PKNOX2: variants seen among roughly 807,000 people sequenced by gnomAD.
The protein encoded by PKNOX2 is PBX/knotted 1 homeobox 2.
In PKNOX2, 14 loss-of-function variants were observed where a neutral mutation model predicts 53.1. The ratio of observed to expected loss-of-function variants is 0.26; its 90% CI spans 0.17 to 0.41. The LOEUF (loss-of-function observed/expected upper bound fraction) is 0.41. Ranked by LOEUF, PKNOX2 falls within the 10% of genes least tolerant of loss-of-function variation. PKNOX2 has a pLI of 1.00. For synonymous variants in PKNOX2, 257 were observed against 242.8 expected, an observed-to-expected ratio of 1.06 and a Z score of -0.54; for missense variants, 496 against 602.8, an observed-to-expected ratio of 0.82 and a Z score of 1.85.
At chr11:125,337,064 G>C (rs1244083556) in intron 3 of PKNOX2, among the ~76,000 whole-genome samples, 1 of 151,678 alleles carries the variant, frequency 6.6e-6, no homozygotes, top group East Asian at 1.9e-4. Context: ...TTTTTACATT[G>C]TTAAGATTTA....
At chr11:125,349,507 A>G (rs1305751368) in intron 3 of PKNOX2, among the ~76,000 whole-genome samples, 1 of 152,198 alleles carries the variant, frequency 6.6e-6, no homozygotes, top group African/African-American at 2.4e-5. Flanking sequence ...GGCGAGTGAC[A>G]GGCGGTGAGG....
rs58082411 is a variant in PKNOX2 at position 125,331,008 on chromosome 11, C to T, written c.-129-811C>T. ...AGTGCCGCCCAGGCCTCAGAGCAGCCCCCTCCCCCGACCCTGCCATCCTGG... is the reference window on the plus strand; with the variant it reads ...AGTGCCGCCCAGGCCTCAGAGCAGCTCCCTCCCCCGACCCTGCCATCCTGG... On this transcript the variant is annotated intron_variant, in intron 2 of 12. Transcript: ENST00000298282. Among the ~76,000 whole-genome samples the T allele has an allele frequency of 8.3e-4, 126 of 151,614 alleles. 1 individual carries two copies. In the East Asian group the frequency reaches 0.024, roughly 29 times the overall value.
intron 5 of PKNOX2, among the ~76,000 whole-genome samples, chr11:125,377,458 AG>A (rs1054418128): frequency 5.3e-5 from 8 of 152,342 alleles, no homozygotes; most frequent in African/African-American, 1.7e-4. Flanking sequence ...ACACAGGAGC[AG>A]GGAATTCAGG....
chr11:125,385,512 CTG>C (rs775555218), intron 5 of PKNOX2, 37 bp from the exon 6 acceptor site: 35 of 1,565,076 alleles, frequency 2.2e-5, no homozygotes, highest in Non-Finnish European at 2.9e-5. Flanking sequence ...AGCACGGTCT[CTG>C]TGTGTGCGCA....
chr11:125,349,870 C>CACAT (rs1951205543), intron 3 of PKNOX2, among the ~76,000 whole-genome samples: 1 of 149,650 alleles, frequency 6.7e-6, no homozygotes, highest in African/African-American at 2.5e-5. Flanking sequence ...CACACACACA[C>CACAT]ACACACAGCC....
At position 125,368,540 on chromosome 11, in the gene PKNOX2, G is replaced by A. The variant is rs141231202; in HGVS notation, c.227+555G>A. 3.3e-3 allele frequency among the ~76,000 whole-genome samples: 509 copies of A among 152,368 alleles called. 2 individuals are homozygous for A. Among genetic ancestry groups the A allele is most frequent in the Middle Eastern group, 0.014 (4 of 294 alleles). ...ATTCCAGGTGAATCTGATGCAGCTG[G>A]TTATTGGACCACACTTGGATTCATG... On this transcript the variant is annotated intron_variant, in intron 5 of 12. Coordinates refer to ENST00000298282, the MANE Select transcript of PKNOX2 (RefSeq NM_001382323.2).
In PKNOX2 at chr11:125,165,871, T is replaced by G. The variant is rs1218665055; in HGVS notation, c.-201+1095T>G. ...GGATCCCGAATCTGCCGCTCAAAGT[T>G]TGCATTTCTTTCGGGTTAGGAGACG... On this transcript the variant is annotated intron_variant, in intron 1 of 12. Transcript: ENST00000298282. The surrounding 1 kb of genome is among the most constrained non-coding windows in gnomAD (Gnocchi z 4.5). 2.0e-5 allele frequency among the ~76,000 whole-genome samples: 3 copies of G among 152,012 alleles called. No individual in the cohort carries two copies. The highest frequency in any genetic ancestry group is 4.4e-5 in the Non-Finnish European group (3 of 68,002).
chr11:125,363,852 T>C (rs1353142452), intron 4 of PKNOX2, among the ~76,000 whole-genome samples: 2 of 128,536 alleles, frequency 1.6e-5, no homozygotes, highest in African/African-American at 5.8e-5. Context: ...TCTCTGGGAG[T>C]GGGGGTGGGG....
intron 1 of PKNOX2, among the ~76,000 whole-genome samples, chr11:125,232,381 G>A (rs958937337): frequency 3.9e-5 from 6 of 152,318 alleles, no homozygotes; most frequent in South Asian, 4.1e-4. Context: ...GTAAGGCAGC[G>A]TTCTACGAAC....
At chr11:125,336,619 A>G (rs1057417322) in intron 3 of PKNOX2, among the ~76,000 whole-genome samples, 4 of 148,270 alleles carry the variant, frequency 2.7e-5, no homozygotes, top group Non-Finnish European at 4.5e-5. Context: ...TATAGATACT[A>G]TAAAGATTAT....
intron 2 of PKNOX2, among the ~76,000 whole-genome samples, chr11:125,292,727 C>T (rs557758103): frequency 1.3e-5 from 2 of 152,252 alleles, no homozygotes; most frequent in South Asian, 2.1e-4. Flanking sequence ...TGCTGTTTAT[C>T]GGGAACGTTG....
In PKNOX2 at chr11:125,289,853, G is replaced by A. The variant is rs74566282; in HGVS notation, c.-129-41966G>A. Among the ~76,000 whole-genome samples, 394 of 152,310 alleles carry A rather than the reference G, an allele frequency of 2.6e-3. 4 individuals are homozygous for A. In the East Asian group the frequency reaches 0.035, roughly 13 times the overall value. ...CATTAGCTGTGTAAGCACCTTCACCGGAGGCCCTTGCAGCCTGGAGGCTTC... is the reference window on the plus strand; with the variant it reads ...CATTAGCTGTGTAAGCACCTTCACCAGAGGCCCTTGCAGCCTGGAGGCTTC... On this transcript the variant is annotated intron_variant, in intron 2 of 12. Coordinates refer to ENST00000298282, the MANE Select transcript of PKNOX2 (RefSeq NM_001382323.2).
At chr11:125,307,333 C>A (rs1009089973) in intron 2 of PKNOX2, among the ~76,000 whole-genome samples, 3 of 152,104 alleles carry the variant, frequency 2.0e-5, no homozygotes, top group African/African-American at 7.2e-5. Flanking sequence ...AATCCCAGCA[C>A]CTTGGGAGGC....
At chr11:125,327,141 C>G (rs775931050) in intron 2 of PKNOX2, among the ~76,000 whole-genome samples, 9 of 152,218 alleles carry the variant, frequency 5.9e-5, no homozygotes, top group Non-Finnish European at 8.8e-5. Context: ...GGGGACAAGT[C>G]TTTAGTTTGG....
chr11:125,359,525 GCCCTGGACTCTGTGC>G (rs1236735400), intron 4 of PKNOX2, among the ~76,000 whole-genome samples: 1 of 152,128 alleles, frequency 6.6e-6, no homozygotes, highest in Non-Finnish European at 1.5e-5. Context: ...GGTCTGGAGC[GCCCTGGACTCTGTGC>G]CCCCCAACAA....
chr11:125,276,389 G>A (rs1434445567), intron 2 of PKNOX2, among the ~76,000 whole-genome samples: 2 of 152,222 alleles, frequency 1.3e-5, no homozygotes, highest in Non-Finnish European at 2.9e-5. Flanking sequence ...GGATGATATG[G>A]AGGTATGTTT....
intron 1 of PKNOX2, among the ~76,000 whole-genome samples, chr11:125,228,394 G>A (rs1941906177): frequency 6.6e-6 from 1 of 152,222 alleles, no homozygotes; most frequent in South Asian, 2.1e-4. Flanking sequence ...GTCCATAGAA[G>A]GAGCTCAGCA....
chr11:125,296,333 T>C lies in PKNOX2; in HGVS notation c.-129-35486T>C, dbSNP rs1021046506. On this transcript the variant is annotated intron_variant, in intron 2 of 12. Transcript: ENST00000298282. ...TCCATAGTCTGCCGGCTCTACCCAA[T>C]ACAGATCCCTGCCAGTTCAGCCACG... Among the ~76,000 whole-genome samples the C allele has an allele frequency of 2.6e-5, 4 of 152,306 alleles. No individual in the cohort carries two copies. The East Asian group carries it at 7.7e-4, about 29-fold the overall frequency.
At chr11:125,361,935 G>A (rs1951946911) in intron 4 of PKNOX2, among the ~76,000 whole-genome samples, 1 of 152,208 alleles carries the variant, frequency 6.6e-6, no homozygotes, top group African/African-American at 2.4e-5. Context: ...ATTTGACCCA[G>A]CAGTGAGCCA....
Sources: gnomAD v4.1 joint callset for allele counts (sites outside exome capture counted in the v4.1 genomes callset) on GRCh38, gnomAD v4.1.1 for gene constraint, Gnocchi (gnomAD v3.1) non-coding constraint, MANE v1.5 for transcripts, NCBI Gene and HGNC (gene_info 2026-07-23, HGNC 2026-07-21) for gene names.